Variants in CATSPERE observed in about 807,000 individuals in gnomAD.
CATSPERE encodes catsper channel auxiliary subunit epsilon, also known as cation channel sperm-associated auxiliary subunit epsilon.
CATSPERE carries 93 observed loss-of-function variants against 114.1 expected under a neutral mutation model. That is an observed-to-expected ratio of 0.81 (90% CI 0.69 to 0.97). The LOEUF is 0.97. Among genes scored for constraint, CATSPERE ranks in the 50% least tolerant of loss-of-function variants. The probability of loss-of-function intolerance (pLI) is 0.00; values close to 1 mark genes in which losing one functional copy is unlikely to be tolerated. For missense variants in CATSPERE, 1,058 were observed against 1,131.6 expected (o/e 0.93, Z 0.93); for synonymous variants, 341 against 384.1 (o/e 0.89, Z 1.31).
chr1:244,517,911 C>T (rs557683358), intron 7 of CATSPERE, among the ~76,000 whole-genome samples: 2 of 150,812 alleles, frequency 1.3e-5, no homozygotes, highest in Non-Finnish European at 2.9e-5. Context: ...CTCATGATAA[C>T]AATCTTAAAG....
At chr1:244,495,422 A>G (rs1055256203) in intron 6 of CATSPERE, among the ~76,000 whole-genome samples, 1 of 152,160 alleles carries the variant, frequency 6.6e-6, no homozygotes, top group Non-Finnish European at 1.5e-5. Flanking sequence ...TGAAGTTAGG[A>G]TTTAGAAAAT....
chr1:244,550,766 G>A (rs1660484182), intron 8 of CATSPERE, among the ~76,000 whole-genome samples: 1 of 152,166 alleles, frequency 6.6e-6, no homozygotes, highest in Non-Finnish European at 1.5e-5. Flanking sequence ...GGGTCCTGCT[G>A]AGTGGGCACA....
chr1:244,501,564 CAG>C (rs1446794924), intron 7 of CATSPERE, among the ~76,000 whole-genome samples: 4 of 152,136 alleles, frequency 2.6e-5, no homozygotes, highest in Admixed American at 2.6e-4. Flanking sequence ...ATTGATAAAT[CAG>C]AAGGATACGC....
intron 8 of CATSPERE, among the ~76,000 whole-genome samples, chr1:244,528,217 T>C (rs1335576222): frequency 2.0e-5 from 3 of 152,212 alleles, no homozygotes; most frequent in African/African-American, 7.2e-5. Flanking sequence ...GAACATGCAG[T>C]GTTTGGCTTT....
intron 19 of CATSPERE, among the ~76,000 whole-genome samples, chr1:244,615,575 G>T (rs751213181): frequency 6.6e-6 from 1 of 151,492 alleles, no homozygotes; most frequent in African/African-American, 2.4e-5. Context: ...AGTGAATAAC[G>T]TAAGGAAATG....
rs113925367 is a variant in CATSPERE at position 244,565,765 on chromosome 1, T to C, written c.1507+4620T>C. ...ATAGATTCATAGATTTCAAGATTCA[T>C]AGATTCTTTTCAAAAAACCAGCTCC... On this transcript the variant is annotated intron_variant, in intron 10 of 21. Transcript: ENST00000366534. Among the ~76,000 whole-genome samples, 211 of 152,168 alleles carry C rather than the reference T, an allele frequency of 1.4e-3. 2 individuals are homozygous for C. The highest frequency in any genetic ancestry group is 4.8e-3 in the African/African-American group (201 of 41,544).
intron 11 of CATSPERE, among the ~76,000 whole-genome samples, chr1:244,581,219 A>G (rs1666130758): frequency 6.6e-6 from 1 of 152,116 alleles, no homozygotes; most frequent in Non-Finnish European, 1.5e-5. Flanking sequence ...ACGCTTATGA[A>G]AGTCCATGTT....
At chr1:244,479,927 C>T (rs13375954) in intron 5 of CATSPERE, 143 bp downstream of exon 5, 78,039 of 410,946 alleles carry the variant, frequency 0.19, 8,793 homozygotes, top group African/African-American at 0.33. Flanking sequence ...AATATACTGC[C>T]GAAGAAATAC....
intron 8 of CATSPERE, among the ~76,000 whole-genome samples, chr1:244,537,092 G>C (rs780853534): frequency 2.0e-5 from 3 of 152,182 alleles, no homozygotes; most frequent in Non-Finnish European, 4.4e-5. Flanking sequence ...TAGAAATAAT[G>C]AGAGGAGACA....
At chr1:244,579,216 G>A (rs1665801926) in intron 11 of CATSPERE, among the ~76,000 whole-genome samples, 3 of 152,308 alleles carry the variant, frequency 2.0e-5, no homozygotes, top group Admixed American at 2.0e-4. Flanking sequence ...AGGTGGCTGT[G>A]AAATGATCAC....
chr1:244,534,502 G>A (rs983113948), intron 8 of CATSPERE, among the ~76,000 whole-genome samples: 1 of 151,998 alleles, frequency 6.6e-6, no homozygotes, highest in Non-Finnish European at 1.5e-5. Context: ...CAAATAGCCT[G>A]TCTTCAAGCT....
At chr1:244,638,665 T>C (rs1282490543) in intron 21 of CATSPERE, among the ~76,000 whole-genome samples, 1 of 152,234 alleles carries the variant, frequency 6.6e-6, no homozygotes, top group East Asian at 1.9e-4. Context: ...CATGATCTTA[T>C]CACACGCTCC....
intron 17 of CATSPERE, among the ~76,000 whole-genome samples, chr1:244,601,818 G>C (rs895572177): frequency 6.6e-6 from 1 of 152,136 alleles, no homozygotes; most frequent in Admixed American, 6.5e-5. Flanking sequence ...CCGGGCGTGG[G>C]TGGTGGGCGC....
Position 244,461,468 on chromosome 1 carries a change from G to A in CATSPERE, c.39G>A (p.Leu13=), listed in dbSNP as rs1242855740. ...AAGTGGCCGTGCTGCTGCTGTGGCT[G>A]AGCTGCTATGGCTCCGCCCTTTGGA... ...AREVAVLLLW[L]SCYGSALWRY... is the part of the protein sequence containing the mutation. The change falls in exon 1 of 22, where the codon CTG becomes CTA. Residue 13 remains leucine, a synonymous_variant. Coordinates refer to ENST00000366534, the MANE Select transcript of CATSPERE (RefSeq NM_001130957.2). 2 of 1,360,374 alleles carry A rather than the reference G, an allele frequency of 1.5e-6. No homozygotes were observed. Among genetic ancestry groups the A allele is most frequent in the Non-Finnish European group, 1.9e-6 (2 of 1,050,128 alleles). 84.3% of individuals were successfully genotyped at this position (1,360,374 alleles called of 1,614,324 possible). A position where few individuals can be genotyped will look rare whatever the true frequency, so the allele number is the denominator to read the frequency against.
chr1:244,503,191 C>A (rs1372638256), intron 7 of CATSPERE, among the ~76,000 whole-genome samples: 1 of 152,104 alleles, frequency 6.6e-6, no homozygotes, highest in Non-Finnish European at 1.5e-5. Flanking sequence ...CATCTTTTCT[C>A]CTCTGGCTGC....
At chr1:244,598,969 C>A (rs553651895) in intron 17 of CATSPERE, among the ~76,000 whole-genome samples, 1 of 152,114 alleles carries the variant, frequency 6.6e-6, no homozygotes, top group Non-Finnish European at 1.5e-5. Context: ...AATAAATAAA[C>A]CCTAAAATCC....
chr1:244,592,424 A>C (rs2148646355), intron 15 of CATSPERE, among the ~76,000 whole-genome samples: 1 of 152,270 alleles, frequency 6.6e-6, no homozygotes, highest in African/African-American at 2.4e-5. Context: ...TTCATTTTTA[A>C]ATGTTAAATA....
At chr1:244,467,526 T>A (rs1667786684) in intron 2 of CATSPERE, among the ~76,000 whole-genome samples, 1 of 152,222 alleles carries the variant, frequency 6.6e-6, no homozygotes, top group South Asian at 2.1e-4. Flanking sequence ...GAATGCAGGT[T>A]GGTATAACCA....
At chr1:244,512,099 A>C (rs934757610) in intron 7 of CATSPERE, among the ~76,000 whole-genome samples, 1 of 152,146 alleles carries the variant, frequency 6.6e-6, no homozygotes, top group African/African-American at 2.4e-5. Context: ...AGGCTTGGGA[A>C]GTTTTCAGCG....
Sources: allele counts gnomAD v4.1 joint callset (sites outside exome capture counted in the v4.1 genomes callset), GRCh38; gene constraint gnomAD v4.1.1; transcripts MANE v1.5; gene names NCBI Gene and HGNC (gene_info 2026-07-23, HGNC 2026-07-21).